The following SYCP1 variants were observed in gnomAD, a reference collection of about 807,000 sequenced individuals.
SYCP1 encodes synaptonemal complex protein 1.
SYCP1 carries 64 observed loss-of-function variants against 153.1 expected under a neutral mutation model. That is an observed-to-expected ratio of 0.42 (90% CI 0.34 to 0.51). SYCP1 has a LOEUF of 0.51. Ranked by LOEUF, SYCP1 falls within the 20% of genes least tolerant of loss-of-function variation. The pLI is 0.06. For synonymous variants in SYCP1, 384 were observed against 341.8 expected (o/e 1.12, Z -1.36); for missense variants, 997 against 1,049.0 (o/e 0.95, Z 0.68).
chr1:114,935,810 TGGACAAATTCCTGGA>T (rs1255461590), intron 23 of SYCP1, among the ~76,000 whole-genome samples: 1 of 152,088 alleles, frequency 6.6e-6, no homozygotes, highest in Non-Finnish European at 1.5e-5. Context: ...CTAGAAGAAA[TGGACAAATTCCTGGA>T]TACATACACC....
intron 23 of SYCP1, among the ~76,000 whole-genome samples, chr1:114,936,146 A>G (rs1418470450): frequency 6.6e-6 from 1 of 152,204 alleles, no homozygotes; most frequent in Non-Finnish European, 1.5e-5. Flanking sequence ...TGACGCAAAA[A>G]TCCTCAATAA....
intron 15 of SYCP1, among the ~76,000 whole-genome samples, chr1:114,894,513 G>C (rs978565240): frequency 2.6e-5 from 4 of 152,058 alleles, no homozygotes; most frequent in Non-Finnish European, 5.9e-5. Flanking sequence ...GGGAGGCTTG[G>C]GCTGGAAAGA....
At chr1:114,856,934 A>AAAAC (rs1663995276) in intron 3 of SYCP1, among the ~76,000 whole-genome samples, 1 of 146,796 alleles carries the variant, frequency 6.8e-6, no homozygotes, top group Non-Finnish European at 1.5e-5. Flanking sequence ...AAAAAAAAAA[A>AAAAC]AAAAAAAAAA....
intron 23 of SYCP1, among the ~76,000 whole-genome samples, chr1:114,931,533 A>C (rs1330296856): frequency 6.6e-6 from 1 of 152,124 alleles, no homozygotes; most frequent in Non-Finnish European, 1.5e-5. Context: ...AAATGTGTGC[A>C]AGACCCATAC....
rs1382581464 is a variant in SYCP1 at position 114,857,217 on chromosome 1, T to A, written c.194-15T>A. 4 of 1,583,668 alleles carry A rather than the reference T, an allele frequency of 2.5e-6. No homozygotes were observed. The African/African-American group carries it at 5.4e-5, about 21-fold the overall frequency. ...ATGTTGGCGTATTTAATACCTGTTG[T>A]CTTTTATCTTGCAGATCCTGCTTTA... On this transcript the variant is annotated splice_polypyrimidine_tract_variant and intron_variant, in intron 3 of 31. Transcript: ENST00000369522.
At chr1:114,876,651 G>A (rs1398514112) in intron 10 of SYCP1, 86 bp from the exon 11 acceptor site, 6 of 634,840 alleles carry the variant, frequency 9.5e-6, no homozygotes, top group Non-Finnish European at 2.4e-6. Context: ...AAATAAAGAG[G>A]TGAAATAAAC....
chr1:114,940,631 A>G (rs1040359242), intron 23 of SYCP1, among the ~76,000 whole-genome samples: 2 of 152,190 alleles, frequency 1.3e-5, no homozygotes, highest in Admixed American at 6.5e-5. Context: ...ACTAGAGAGC[A>G]CACTCTGGTA....
chr1:114,950,338 C>G (rs1165185589), intron 27 of SYCP1, among the ~76,000 whole-genome samples: 3 of 152,162 alleles, frequency 2.0e-5, no homozygotes, highest in African/African-American at 7.2e-5. Context: ...TTGTAATCCA[C>G]TAAGATCTGG....
intron 27 of SYCP1, among the ~76,000 whole-genome samples, chr1:114,948,421 T>C (rs1670888158): frequency 6.6e-6 from 1 of 152,226 alleles, no homozygotes; most frequent in African/African-American, 2.4e-5. Flanking sequence ...TATTTTTGCA[T>C]GGCTTCAAAC....
chr1:114,978,824 G>A lies in SYCP1; in HGVS notation c.2382+1208G>A, dbSNP rs189237496. 2.6e-5 allele frequency among the ~76,000 whole-genome samples: 4 copies of A among 151,628 alleles called. No homozygotes were observed. In the East Asian group the frequency reaches 7.8e-4, roughly 29 times the overall value. ...GACACTTGAAAACATTATATCTGAAGAAATTATAATCATAATAAAATTATG... is the reference window on the plus strand; with the variant it reads ...GACACTTGAAAACATTATATCTGAAAAAATTATAATCATAATAAAATTATG... On this transcript the variant is annotated intron_variant, in intron 28 of 31. Coordinates refer to ENST00000369522, the MANE Select transcript of SYCP1 (RefSeq NM_003176.4).
intron 16 of SYCP1, among the ~76,000 whole-genome samples, chr1:114,902,075 C>G (rs1301673827): frequency 1.3e-5 from 2 of 151,990 alleles, no homozygotes; most frequent in African/African-American, 4.8e-5. Flanking sequence ...CTCGTGGGGC[C>G]CTTGGGTCAT....
chr1:114,980,899 T>C (rs1673108772), intron 28 of SYCP1, among the ~76,000 whole-genome samples: 1 of 151,874 alleles, frequency 6.6e-6, no homozygotes, highest in Non-Finnish European at 1.5e-5. Flanking sequence ...CCTATACCCG[T>C]TAGTTATTTT....
intron 16 of SYCP1, among the ~76,000 whole-genome samples, chr1:114,902,036 CG>C (rs2101627794): frequency 6.7e-6 from 1 of 150,072 alleles, no homozygotes; most frequent in African/African-American, 2.4e-5. Flanking sequence ...GGAGACTCCA[CG>C]GGCGCTTGGC....
Position 114,994,685 on chromosome 1 carries a change from A to AT in SYCP1, c.2704-8dup. ...GGTAAACCCAACATCATATTTTTTT[A>AT]TTTTTCTTCAAGAGCATGGTTTCAG... On this transcript the variant is annotated splice_polypyrimidine_tract_variant and intron_variant, in intron 30 of 31. Coordinates refer to ENST00000369522, the MANE Select transcript of SYCP1 (RefSeq NM_003176.4). 2 of 1,538,794 alleles carry AT rather than the reference A, an allele frequency of 1.3e-6. No homozygotes were observed. The highest frequency in any genetic ancestry group is 1.7e-6 in the Non-Finnish European group (2 of 1,150,512).
At chr1:114,960,374 G>T (rs1284311806) in intron 27 of SYCP1, among the ~76,000 whole-genome samples, 3 of 151,970 alleles carry the variant, frequency 2.0e-5, no homozygotes, top group African/African-American at 7.2e-5. Flanking sequence ...TGCCATGTTG[G>T]CCAGGCTTGT....
intron 27 of SYCP1, among the ~76,000 whole-genome samples, chr1:114,960,819 T>C (rs569132643): frequency 6.6e-6 from 1 of 152,308 alleles, no homozygotes; most frequent in South Asian, 2.1e-4. Context: ...AATTTTCTTT[T>C]TTCGTTTTGT....
chr1:114,920,496 T>C (rs1412509075), intron 20 of SYCP1, among the ~76,000 whole-genome samples: 2 of 152,200 alleles, frequency 1.3e-5, no homozygotes, highest in Non-Finnish European at 2.9e-5. Flanking sequence ...ATTAGGTTCA[T>C]TTGGTCTAAA....
chr1:114,884,594 T>C (rs889453588), intron 12 of SYCP1, among the ~76,000 whole-genome samples: 2 of 152,226 alleles, frequency 1.3e-5, no homozygotes, highest in Non-Finnish European at 2.9e-5. Flanking sequence ...TGAATATTAG[T>C]GTTCAGTTTC....
chr1:114,954,136 C>T (rs12095209), intron 27 of SYCP1, among the ~76,000 whole-genome samples: 2,323 of 152,208 alleles, frequency 0.015, 54 homozygotes, highest in African/African-American at 0.053. Context: ...TGTTGATATA[C>T]GTACGTGTAC....
Sources: gnomAD v4.1 joint callset for allele counts (sites outside exome capture counted in the v4.1 genomes callset) on GRCh38, gnomAD v4.1.1 for gene constraint, MANE v1.5 for transcripts, NCBI Gene and HGNC (gene_info 2026-07-23, HGNC 2026-07-21) for gene names.